SRGAP2B: variants seen among roughly 807,000 people sequenced by gnomAD.
SRGAP2B encodes the protein SLIT-ROBO Rho GTPase-activating protein 2B.
Under a neutral mutation model 22.2 loss-of-function variants are expected in SRGAP2B, and 9 were observed. The ratio of observed to expected loss-of-function variants is 0.41; its 90% CI spans 0.24 to 0.71. SRGAP2B has a LOEUF of 0.71. Ranked by LOEUF, SRGAP2B falls within the 30% of genes least tolerant of loss-of-function variation. SRGAP2B has a pLI of 0.35. For synonymous variants in SRGAP2B, 36 were observed against 87.4 expected, an observed-to-expected ratio of 0.41 and a Z score of 3.28; for missense variants, 114 against 235.8, an observed-to-expected ratio of 0.48 and a Z score of 3.38.
At position 144,951,954 on chromosome 1, in the gene SRGAP2B, GTCT is replaced by G. The variant is rs1465759694; in HGVS notation, c.423+3482_423+3484del. On this transcript the variant is annotated intron_variant, in intron 4 of 9. Transcript: ENST00000612199. ...AATCCTTCATTCTTCAAGAAATCTG[GTCT>G]TCATTTGCTTAAGCTAGCCCTCTCC... is the stretch of plus-strand genomic sequence containing the variant. Among the ~76,000 whole-genome samples, 34 of 145,218 alleles carry G rather than the reference GTCT, an allele frequency of 2.3e-4. 1 individual carries two copies. The highest frequency in any genetic ancestry group is 9.2e-4 in the African/African-American group (34 of 36,980).
chr1:144,905,114 G>A lies in SRGAP2B; in HGVS notation c.808C>T (p.His270Tyr). The A allele has an allele frequency of 3.9e-6, 3 of 765,904 alleles. No individual in the cohort carries two copies. The East Asian group carries it at 7.4e-5, about 19-fold the overall frequency. The allele number at this position is 765,904 out of a possible 1,614,324, so 47.4% of individuals were successfully genotyped here. A position where few individuals can be genotyped will look rare whatever the true frequency, so the allele number is the denominator to read the frequency against. Residue 270 changes from histidine (H) to tyrosine (Y), a missense_variant, in exon 7 of 10, where the codon CAT (histidine) becomes TAT (tyrosine). By Grantham distance (83) the His-to-Tyr change is moderately conservative. Coordinates refer to ENST00000612199, the Ensembl canonical transcript of SRGAP2B. The stretch of plus-strand genomic sequence containing the variant: ...ACATCAATAAGGTCAGATAGGTCAT[G>A]GATGTAGTACTTGAAGACAGATGCA...
At chr1:144,972,896 C>T (rs1553613569) in intron 3 of SRGAP2B, among the ~76,000 whole-genome samples, 1 of 132,288 alleles carries the variant, frequency 7.6e-6, no homozygotes, top group African/African-American at 3.2e-5. Context: ...CACTTGAGGT[C>T]AGGAGTTTGA....
intron 2 of SRGAP2B, among the ~76,000 whole-genome samples, chr1:145,068,928 TG>T (rs1651821985): frequency 1.3e-5 from 2 of 148,634 alleles, no homozygotes; most frequent in South Asian, 2.2e-4. Context: ...TGTGTGTGTG[TG>T]TGTGTGTGTG....
intron 2 of SRGAP2B, among the ~76,000 whole-genome samples, chr1:145,020,602 C>A (rs1259190793): frequency 6.8e-6 from 1 of 147,164 alleles, no homozygotes; most frequent in Non-Finnish European, 1.5e-5. Flanking sequence ...TCTTCCCCAA[C>A]TGAAATGTTA....
rs1329578244 is a variant in SRGAP2B at position 144,927,257 on chromosome 1, ATTC to A, written c.424-12506_424-12504del. On this transcript the variant is annotated intron_variant, in intron 4 of 9. Transcript: ENST00000612199. ...GAGCCACCGTGCCCGGCCAATCTAT[ATTC>A]TTATATATAGTTGCTGTTGCTCCTC... 4.8e-4 allele frequency among the ~76,000 whole-genome samples: 72 copies of A among 149,308 alleles called. 2 individuals are homozygous for A. Among genetic ancestry groups the A allele is most frequent in the African/African-American group, 1.6e-3 (65 of 39,622 alleles).
chr1:145,084,631 T>C (rs1209911656), intron 2 of SRGAP2B, among the ~76,000 whole-genome samples: 3 of 152,206 alleles, frequency 2.0e-5, no homozygotes, highest in African/African-American at 7.2e-5. Flanking sequence ...TGTTAGCTAG[T>C]AGTCTGTTTA....
chr1:144,987,255 CTACTT>C (rs1192734818), intron 3 of SRGAP2B, among the ~76,000 whole-genome samples: 2 of 152,014 alleles, frequency 1.3e-5, no homozygotes, highest in Non-Finnish European at 2.9e-5. Flanking sequence ...AAGAGAAACT[CTACTT>C]TATAGTCACC....
At chr1:144,975,812 A>G (rs1380356047) in intron 3 of SRGAP2B, among the ~76,000 whole-genome samples, 1 of 146,616 alleles carries the variant, frequency 6.8e-6, no homozygotes, top group Non-Finnish European at 1.5e-5. Flanking sequence ...AGAACTCTAA[A>G]CCAGTATTAA....
chr1:144,905,034 C>A (rs1451440456), intron 7 of SRGAP2B, 57 bp downstream of exon 7: 8 of 717,986 alleles, frequency 1.1e-5, no homozygotes, highest in Non-Finnish European at 2.1e-5. Context: ...GAATGTCTGA[C>A]GAGTATTCTG....
At chr1:145,020,431 TAAAAAAAAA>T (rs782440915) in intron 2 of SRGAP2B, among the ~76,000 whole-genome samples, 7 of 81,334 alleles carry the variant, frequency 8.6e-5, no homozygotes, top group Non-Finnish European at 9.8e-5. Context: ...CTTGTCTCTT[TAAAAAAAAA>T]AAAAAAAAAA....
rs1670595523 is a variant in SRGAP2B, at chr1:144,995,253, C to G, written c.68-53G>C. 2.3e-5 allele frequency: 12 copies of G among 511,594 alleles called. No homozygotes were observed. The East Asian group carries it at 3.8e-4, about 16-fold the overall frequency. The allele number at this position is 511,594 out of a possible 1,614,324, so 31.7% of individuals were successfully genotyped here. ...AGAAAGACAGCCCTAAATAAACCAC[C>G]ATGCATGCCAATATTCACCCACCTT... On this transcript the variant is annotated intron_variant, in intron 2 of 9. Transcript: ENST00000612199.
chr1:144,970,923 G>A (rs587763818), intron 3 of SRGAP2B, among the ~76,000 whole-genome samples: 1 of 149,292 alleles, frequency 6.7e-6, no homozygotes, highest in East Asian at 2.0e-4. Context: ...AAACATGAAA[G>A]TGTTCTACAA....
chr1:144,997,130 G>A (rs1236321425), intron 2 of SRGAP2B, among the ~76,000 whole-genome samples: 8 of 150,330 alleles, frequency 5.3e-5, no homozygotes, highest in African/African-American at 1.3e-4. Context: ...AATTCCATCC[G>A]TTCAGTAAGA....
At chr1:144,991,103 A>G (rs1404554877) in intron 3 of SRGAP2B, among the ~76,000 whole-genome samples, 1 of 151,152 alleles carries the variant, frequency 6.6e-6, no homozygotes, top group Non-Finnish European at 1.5e-5. Context: ...GATGAAGCCA[A>G]CTGGGCTCCT....
intron 2 of SRGAP2B, among the ~76,000 whole-genome samples, chr1:145,030,725 T>A (rs868948278): frequency 0.011 from 457 of 42,050 alleles, 8 homozygotes; most frequent in Non-Finnish European, 0.017. Context: ...AAAAAAAATA[T>A]ATATATATAT....
chr1:144,961,359 AT>A (rs1242083762), intron 3 of SRGAP2B, among the ~76,000 whole-genome samples: 4 of 151,956 alleles, frequency 2.6e-5, no homozygotes, highest in Non-Finnish European at 4.4e-5. Flanking sequence ...CTAAGCTCCC[AT>A]CCCCTGTCTC....
At chr1:145,003,100 C>CA (rs1671322580) in intron 2 of SRGAP2B, among the ~76,000 whole-genome samples, 1 of 148,750 alleles carries the variant, frequency 6.7e-6, no homozygotes, top group African/African-American at 2.5e-5. Flanking sequence ...TGGTGGCACA[C>CA]ACCTGTAATT....
chr1:145,076,044 A>G (rs1222872958), intron 2 of SRGAP2B, among the ~76,000 whole-genome samples: 2 of 150,482 alleles, frequency 1.3e-5, no homozygotes, highest in Non-Finnish European at 3.0e-5. Context: ...GGCAGAACAT[A>G]TATTATGCCA....
At position 144,909,741 on chromosome 1, in the gene SRGAP2B, A is replaced by G. The variant is rs1272703722; in HGVS notation, c.487-3667T>C. On this transcript the variant is annotated intron_variant, in intron 5 of 9. Coordinates refer to ENST00000612199, the Ensembl canonical transcript of SRGAP2B. ...GAGGATACGGGTATACTGAACTTCAACAGGAGGATTAGCTGAAGTCTATGT... is the reference window on the plus strand; with the variant it reads ...GAGGATACGGGTATACTGAACTTCAGCAGGAGGATTAGCTGAAGTCTATGT... 2.4e-4 allele frequency among the ~76,000 whole-genome samples: 36 copies of G among 150,552 alleles called. 1 individual carries two copies. Among genetic ancestry groups the G allele is most frequent in the African/African-American group, 8.7e-4 (35 of 40,210 alleles).
Sources: gnomAD v4.1 joint callset for allele counts (sites outside exome capture counted in the v4.1 genomes callset) on GRCh38, gnomAD v4.1.1 for gene constraint, MANE v1.5 for transcripts, NCBI Gene and HGNC (gene_info 2026-07-23, HGNC 2026-07-21) for gene names.